The following THRB variants were observed in gnomAD, a reference collection of about 807,000 sequenced individuals.
The protein encoded by THRB is thyroid hormone receptor beta.
In THRB, 12 loss-of-function variants were observed where a neutral mutation model predicts 47.8. The observed-to-expected ratio is 0.25, with a 90% confidence interval of 0.16 to 0.41. THRB has a LOEUF of 0.41. THRB is among the 10% of genes least tolerant of loss of function. THRB has a pLI of 1.00. For synonymous variants in THRB, 218 were observed against 212.2 expected, an observed-to-expected ratio of 1.03 and a Z score of -0.24; for missense variants, 348 against 589.2, an observed-to-expected ratio of 0.59 and a Z score of 4.24.
rs2031119591 is a variant in THRB at position 24,118,964 on chromosome 3, C to T, written c.*3920G>A. The T allele has an allele frequency of 2.1e-5, 3 of 140,586 alleles. No individual in the cohort carries two copies. Among genetic ancestry groups the T allele is most frequent in the Admixed American group, 2.1e-4 (3 of 14,158 alleles). The allele number at this position is 140,586 out of a possible 1,614,324, so 8.7% of individuals were successfully genotyped here. A position where few individuals can be genotyped will look rare whatever the true frequency, so the allele number is the denominator to read the frequency against. Reference sequence around the variant, plus strand: ...TGTGATAAGGCCAAACCTTTTTTCCCCCAGTCTGGTTTTTTTTTTTTTTTT... The same window carrying T: ...TGTGATAAGGCCAAACCTTTTTTCCTCCAGTCTGGTTTTTTTTTTTTTTTT... On this transcript the variant is annotated 3_prime_UTR_variant, in exon 11 of 11. Transcript: ENST00000646209.
In THRB at chr3:24,335,494, A is replaced by C. The variant is rs944606738; in HGVS notation, c.-189+1806T>G. Among the ~76,000 whole-genome samples the C allele has an allele frequency of 5.9e-5, 9 of 152,308 alleles. No homozygotes were observed. In the East Asian group the frequency reaches 1.7e-3, roughly 29 times the overall value. ...CAGTATTTTCATTCACTAAATGCCG[A>C]ATTTATGTTTTCTTTATTTTCCTCT... On this transcript the variant is annotated intron_variant, in intron 2 of 10. Coordinates refer to ENST00000646209, the MANE Select transcript of THRB (RefSeq NM_001354712.2).
chr3:24,385,284 G>A (rs6784282), intron 1 of THRB, among the ~76,000 whole-genome samples: 4,708 of 152,094 alleles, frequency 0.031, 220 homozygotes, highest in African/African-American at 0.1. Flanking sequence ...TGCTACTTGG[G>A]AGAATAAACT....
chr3:24,263,056 G>A (rs895679942), intron 3 of THRB, among the ~76,000 whole-genome samples: 1 of 152,096 alleles, frequency 6.6e-6, no homozygotes, highest in African/African-American at 2.4e-5. Flanking sequence ...TGACATACAG[G>A]GGTAAACCAT....
In THRB at chr3:24,178,770, G is replaced by C. The variant is rs374620032; in HGVS notation, c.283+11304C>G. Among the ~76,000 whole-genome samples, 28 of 152,252 alleles carry C rather than the reference G, an allele frequency of 1.8e-4. No individual in the cohort carries two copies. The East Asian group carries it at 3.9e-3, about 21-fold the overall frequency. ...AATGGTGATAACTAAGGTCTGCAGC[G>C]GGGAGGGTAGGTAGAACAGATAGAT... On this transcript the variant is annotated intron_variant, in intron 5 of 10. Transcript: ENST00000646209.
intron 5 of THRB, 57 bp downstream of exon 5, chr3:24,190,017 G>A (rs776114422): frequency 4.6e-6 from 7 of 1,530,544 alleles, no homozygotes; most frequent in East Asian, 2.2e-5. Flanking sequence ...AGCTACAACA[G>A]GGATATTTTT....
chr3:24,287,762 G>T (rs1433655278), intron 3 of THRB, among the ~76,000 whole-genome samples: 3 of 152,180 alleles, frequency 2.0e-5, no homozygotes, highest in Non-Finnish European at 2.9e-5. Flanking sequence ...ATGTTGCATT[G>T]TAGGAACACA....
chr3:24,144,472 C>T (rs957444510), intron 7 of THRB: 1 of 152,358 alleles, frequency 6.6e-6, no homozygotes, highest in African/African-American at 2.4e-5. Flanking sequence ...AAAATGGGCT[C>T]AATAATACCC....
intron 1 of THRB, among the ~76,000 whole-genome samples, chr3:24,385,793 G>T (rs753383666): frequency 1.3e-5 from 2 of 152,084 alleles, no homozygotes; most frequent in Admixed American, 6.6e-5. Flanking sequence ...GGCCTATAGA[G>T]CTTCTAGAAA....
At chr3:24,259,064 T>A (rs540801540) in intron 3 of THRB, among the ~76,000 whole-genome samples, 1 of 152,290 alleles carries the variant, frequency 6.6e-6, no homozygotes, top group African/African-American at 2.4e-5. Flanking sequence ...GTGCCCCCAC[T>A]GCAGACCCAC....
At chr3:24,413,123 C>A (rs539836690) in intron 1 of THRB, among the ~76,000 whole-genome samples, 3 of 151,918 alleles carry the variant, frequency 2.0e-5, no homozygotes, top group Non-Finnish European at 4.4e-5. Context: ...TATGGAAGAA[C>A]AGCTTTATAC....
chr3:24,489,834 T>A lies in THRB; in HGVS notation c.-261+4818A>T, dbSNP rs1262052195. 2.0e-5 allele frequency among the ~76,000 whole-genome samples: 3 copies of A among 152,182 alleles called. No individual in the cohort carries two copies. In the East Asian group the frequency reaches 5.8e-4, roughly 29 times the overall value. ...TGATTTGGATACTCCCCCCCACTTG[T>A]TTAAATGCCAAAATTGACTAACAAG... On this transcript the variant is annotated intron_variant, in intron 1 of 10. Transcript: ENST00000646209.
intron 2 of THRB, among the ~76,000 whole-genome samples, chr3:24,321,344 G>A (rs1339917678): frequency 6.6e-6 from 1 of 152,134 alleles, no homozygotes; most frequent in Non-Finnish European, 1.5e-5. Context: ...AGAGTGATAT[G>A]AAAGATAAGT....
chr3:24,471,593 C>A (rs1251050355), intron 1 of THRB, among the ~76,000 whole-genome samples: 1 of 152,192 alleles, frequency 6.6e-6, no homozygotes, highest in Non-Finnish European at 1.5e-5. Context: ...TCCTTCCCAG[C>A]TTTGTGGCCC....
chr3:24,314,581 C>A (rs2057984748), intron 2 of THRB, among the ~76,000 whole-genome samples: 1 of 152,188 alleles, frequency 6.6e-6, no homozygotes, highest in African/African-American at 2.4e-5. Context: ...GGATAAAACT[C>A]TTTTCCTGAG....
At chr3:24,421,590 A>G (rs1329963780) in intron 1 of THRB, among the ~76,000 whole-genome samples, 1 of 151,888 alleles carries the variant, frequency 6.6e-6, no homozygotes, top group African/African-American at 2.4e-5. Context: ...TATGTATGAC[A>G]GTTTCCACAG....
chr3:24,470,853 G>A (rs1459237802), intron 1 of THRB, among the ~76,000 whole-genome samples: 4 of 152,212 alleles, frequency 2.6e-5, no homozygotes, highest in African/African-American at 9.7e-5. Flanking sequence ...CTGACCTCAA[G>A]TGATCAGCCT....
At chr3:24,146,528 G>C (rs931657886) in intron 7 of THRB, 147 bp downstream of exon 7, 9 of 830,474 alleles carry the variant, frequency 1.1e-5, no homozygotes, top group African/African-American at 1.7e-5. Flanking sequence ...CCTGGATGTG[G>C]GGAGTGAGGG....
At chr3:24,221,767 T>C (rs1231730475) in intron 4 of THRB, among the ~76,000 whole-genome samples, 1 of 152,184 alleles carries the variant, frequency 6.6e-6, no homozygotes, top group Non-Finnish European at 1.5e-5. Context: ...GTTCTAGAAG[T>C]AATTGTCTAA....
At chr3:24,491,958 T>G (rs977873499) in intron 1 of THRB, among the ~76,000 whole-genome samples, 1 of 152,152 alleles carries the variant, frequency 6.6e-6, no homozygotes, top group Non-Finnish European at 1.5e-5. Flanking sequence ...GCATTGTCAC[T>G]ACACAGAATG....
Sources: gnomAD v4.1 joint callset for allele counts (sites outside exome capture counted in the v4.1 genomes callset) on GRCh38, gnomAD v4.1.1 for gene constraint, MANE v1.5 for transcripts, NCBI Gene and HGNC (gene_info 2026-07-23, HGNC 2026-07-21) for gene names.